The following LAIR1 variants were observed in gnomAD, a reference collection of about 807,000 sequenced individuals.
The protein encoded by LAIR1 is leukocyte-associated immunoglobulin-like receptor 1.
In LAIR1, 24 loss-of-function variants were observed where a neutral mutation model predicts 32.8. The ratio of observed to expected loss-of-function variants is 0.73; its 90% CI spans 0.53 to 1.03. The LOEUF (loss-of-function observed/expected upper bound fraction) is 1.03. Ranked by LOEUF, LAIR1 falls within the 50% of genes least tolerant of loss-of-function variation. The probability of loss-of-function intolerance (pLI) is 0.00; values close to 1 mark genes in which losing one functional copy is unlikely to be tolerated. For missense variants in LAIR1, 355 were observed against 347.5 expected, an observed-to-expected ratio of 1.02 and a Z score of -0.17; for synonymous variants, 150 against 140.5, an observed-to-expected ratio of 1.07 and a Z score of -0.48.
At chr19:54,356,647 C>A in intron 5 of LAIR1, 28 bp from the exon 6 acceptor site, 1 of 1,611,894 alleles carries the variant, frequency 6.2e-7, no homozygotes, top group Non-Finnish European at 8.5e-7. Context: ...AGGATTTCAG[C>A]AGTGTGCATT....
upstream of LAIR1, among the ~76,000 whole-genome samples, chr19:54,365,347 T>A (rs994964692): frequency 6.6e-6 from 1 of 152,166 alleles, no homozygotes; most frequent in African/African-American, 2.4e-5. Context: ...AAGGAGACTA[T>A]TGGTGAGGAT....
At chr19:54,368,878 G>C (rs761803329), upstream of LAIR1, among the ~76,000 whole-genome samples, 9 of 151,142 alleles carry the variant, frequency 6.0e-5, no homozygotes, top group Non-Finnish European at 7.4e-5. Flanking sequence ...GTAGAGACGG[G>C]GTTTCTCCAT....
At chr19:54,366,411 T>C (rs1168444532), upstream of LAIR1, among the ~76,000 whole-genome samples, 5 of 152,220 alleles carry the variant, frequency 3.3e-5, no homozygotes, top group Admixed American at 3.3e-4. Flanking sequence ...AAGCCACCTT[T>C]GTTACGCCTT....
In LAIR1 at chr19:54,356,950, C is replaced by T. The variant is rs758556499; in HGVS notation, c.432G>A (p.Pro144=). Residue 144 remains proline (P), a synonymous_variant, in exon 5 of 10, where the codon CCG becomes CCA. Coordinates refer to ENST00000391742, the MANE Select transcript of LAIR1 (RefSeq NM_002287.6). The stretch of plus-strand genomic sequence containing the variant: ...CACGCTCATTGTGACTGTTGTCCGA[C>T]GGCCTCTGCGTGGGTCCTGGGAGGG... ...PGSSAGPTQR[P]SDNSHNEHAP... is the part of the protein sequence containing the mutation. The T allele has an allele frequency of 2.3e-5, 37 of 1,613,782 alleles. No homozygotes were observed. Among genetic ancestry groups the T allele is most frequent in the Middle Eastern group, 1.6e-4 (1 of 6,084 alleles).
rs1265466946 is a variant in LAIR1, at chr19:54,353,174, A to G, written c.*2094T>C. On this transcript the variant is annotated 3_prime_UTR_variant, in exon 10 of 10. Coordinates refer to ENST00000391742, the MANE Select transcript of LAIR1 (RefSeq NM_002287.6). ...GAAACTCCATCTCAAAAAAAAAAAA[A>G]AAGAGAGAGAGAGACAGAGAGACAC... 1 of 151,974 alleles carries G rather than the reference A, an allele frequency of 6.6e-6. No homozygotes were observed. Among genetic ancestry groups the G allele is most frequent in the African/African-American group, 2.4e-5 (1 of 41,310 alleles). The allele number at this position is 151,974 out of a possible 1,614,324, so 9.4% of individuals were successfully genotyped here.
At chr19:54,365,147 T>A (rs2082213346), upstream of LAIR1, 19 of 935,694 alleles carry the variant, frequency 2.0e-5, no homozygotes, top group Non-Finnish European at 2.6e-5. Flanking sequence ...TTGGACGCCG[T>A]CCCAACTCCA....
In LAIR1 at chr19:54,355,845, T is replaced by C. The variant is rs922271180; in HGVS notation, c.717+109A>G. ...TCGACAGCAACCTCAGGACAGGCCG[T>C]GAGCCGGAACCGCCCAGCTGAGCCA... On this transcript the variant is annotated intron_variant, in intron 9 of 9. Transcript: ENST00000391742. The surrounding 1 kb of genome is among the most constrained non-coding windows in gnomAD (Gnocchi z 4.7). 1.3e-6 allele frequency: 1 copy of C among 781,974 alleles called. No individual in the cohort carries two copies. The highest frequency in any genetic ancestry group is 2.5e-5 in the East Asian group (1 of 40,348). The allele number at this position is 781,974 out of a possible 1,614,324, so 48.4% of individuals were successfully genotyped here.
upstream of LAIR1, among the ~76,000 whole-genome samples, chr19:54,374,239 A>C (rs1178164118): frequency 6.6e-6 from 1 of 152,164 alleles, no homozygotes; most frequent in Non-Finnish European, 1.5e-5. Flanking sequence ...ACTCCCCTGT[A>C]CTTAGAAGGA....
intron 2 of LAIR1, among the ~76,000 whole-genome samples, chr19:54,363,699 G>A (rs1258745742): frequency 2.0e-5 from 3 of 152,226 alleles, no homozygotes; most frequent in Non-Finnish European, 2.9e-5. Context: ...GCCGGGCACA[G>A]AAAGACAATT....
Position 54,355,556 on chromosome 19 carries a change from A to G in LAIR1, c.718-142T>C, listed in dbSNP as rs946792160. On this transcript the variant is annotated intron_variant, in intron 9 of 9. Transcript: ENST00000391742. This position sits in a 1 kb window ranked among gnomAD's most constrained non-coding sequence, Gnocchi z 4.7. ...GCATCCGTGTGAAGAGCCCTCCCAC[A>G]GGGTATTGGGGTTGGTTTACGTGAC... 13 of 698,286 alleles carry G rather than the reference A, an allele frequency of 1.9e-5. No homozygotes were observed. The highest frequency in any genetic ancestry group is 2.6e-5 in the Non-Finnish European group (11 of 428,730). 43.3% of individuals were successfully genotyped at this position (698,286 alleles called of 1,614,324 possible).
chr19:54,367,085 A>AC (rs926375044), upstream of LAIR1, among the ~76,000 whole-genome samples: 40 of 152,326 alleles, frequency 2.6e-4, no homozygotes, highest in African/African-American at 9.6e-4. Context: ...AAATATATAC[A>AC]CCTACTATGT....
intron 4 of LAIR1, chr19:54,358,397 AATAT>A (rs1167186423): frequency 0.017 from 3,277 of 197,058 alleles, 188 homozygotes; most frequent in African/African-American, 0.073. Flanking sequence ...ATATATATAT[AATAT>A]ATATATATAT....
Position 54,356,309 on chromosome 19 carries a change from G to T in LAIR1, c.627-42C>A, listed in dbSNP as rs754664045. 5 of 1,607,458 alleles carry T rather than the reference G, an allele frequency of 3.1e-6. No homozygotes were observed. The East Asian group carries it at 6.7e-5, about 21-fold the overall frequency. ...AAGTGAACCTCAGGGGCAGCCTGGCGGCCGAGGACTGGGTGGAGGTCCAGG... is the reference window on the plus strand; with the variant it reads ...AAGTGAACCTCAGGGGCAGCCTGGCTGCCGAGGACTGGGTGGAGGTCCAGG... On this transcript the variant is annotated intron_variant, in intron 7 of 9. Transcript: ENST00000391742.
upstream of LAIR1, among the ~76,000 whole-genome samples, chr19:54,373,555 G>T (rs946445413): frequency 6.6e-6 from 1 of 152,202 alleles, no homozygotes; most frequent in Non-Finnish European, 1.5e-5. Context: ...TCCAGTCCCT[G>T]CCCTCAACCT....
At chr19:54,358,453 G>C (rs2081847551) in intron 4 of LAIR1, 1 of 1,002,296 alleles carries the variant, frequency 1.0e-6, no homozygotes, top group African/African-American at 1.7e-5. Flanking sequence ...TTATAGGTCT[G>C]AAATTCTACA....
chr19:54,367,757 A>G (rs1394819764), upstream of LAIR1, among the ~76,000 whole-genome samples: 1 of 133,740 alleles, frequency 7.5e-6, no homozygotes, highest in African/African-American at 3.2e-5. Flanking sequence ...AAAAATATAT[A>G]TTTTTTTTAA....
At chr19:54,362,658 T>C (rs1219256388) in intron 2 of LAIR1, among the ~76,000 whole-genome samples, 1 of 152,250 alleles carries the variant, frequency 6.6e-6, no homozygotes, top group Admixed American at 6.5e-5. Context: ...CTAATTTTTG[T>C]ATTTTTAGTA....
upstream of LAIR1, among the ~76,000 whole-genome samples, chr19:54,367,705 C>A (rs934263769): frequency 6.6e-6 from 1 of 151,268 alleles, no homozygotes; most frequent in African/African-American, 2.4e-5. Context: ...GAGATCGTGC[C>A]ATTGCACTCC....
rs2081747336 is a variant in LAIR1, at chr19:54,356,944, G to A, written c.438C>T (p.Asp146=). ...ATCACTCACGCTCATTGTGACTGTT[G>A]TCCGACGGCCTCTGCGTGGGTCCTG... ...SSAGPTQRPS[D]NSHNEHAPAS... The change falls in exon 5 of 10, where the codon GAC becomes GAT. Residue 146 remains aspartate (D), a synonymous_variant. Transcript: ENST00000391742. 1 of 1,613,818 alleles carries A rather than the reference G, an allele frequency of 6.2e-7. No individual in the cohort carries two copies. Among genetic ancestry groups the A allele is most frequent in the Non-Finnish European group, 8.5e-7 (1 of 1,179,956 alleles).
Sources: gnomAD v4.1 joint callset for allele counts (sites outside exome capture counted in the v4.1 genomes callset) on GRCh38, gnomAD v4.1.1 for gene constraint, Gnocchi (gnomAD v3.1) non-coding constraint, MANE v1.5 for transcripts, NCBI Gene and HGNC (gene_info 2026-07-23, HGNC 2026-07-21) for gene names.